FLT1: variants seen among roughly 807,000 people sequenced by gnomAD.
FLT1 encodes the protein vascular endothelial growth factor receptor 1.
In FLT1, 49 loss-of-function variants were observed where a neutral mutation model predicts 156.3. The observed-to-expected ratio is 0.31, with a 90% CI of 0.25 to 0.40. The LOEUF (loss-of-function observed/expected upper bound fraction) is 0.40, where lower values mean the gene tolerates loss of function less well. Among genes scored for constraint, FLT1 ranks in the 10% least tolerant of loss-of-function variants. FLT1 has a pLI of 1.00. For missense variants in FLT1, 1,322 were observed against 1,637.2 expected, an observed-to-expected ratio of 0.81 and a Z score of 3.32; for synonymous variants, 594 against 583.8, an observed-to-expected ratio of 1.02 and a Z score of -0.25.
chr13:28,383,082 C>A (rs988391450), intron 14 of FLT1, among the ~76,000 whole-genome samples: 2 of 152,162 alleles, frequency 1.3e-5, no homozygotes, highest in African/African-American at 2.4e-5. Flanking sequence ...CAATTAAAAT[C>A]ATAAATAATT....
intron 1 of FLT1, among the ~76,000 whole-genome samples, chr13:28,493,464 C>CT (rs1881573621): frequency 1.3e-5 from 2 of 152,174 alleles, no homozygotes; most frequent in African/African-American, 4.8e-5. Context: ...TCTAGTTAGT[C>CT]TTCCCACTGA....
chr13:28,389,081 C>T, intron 13 of FLT1: 10 of 1,063,554 alleles, frequency 9.4e-6, no homozygotes, highest in Non-Finnish European at 1.1e-5. Flanking sequence ...CTCTGAATTA[C>T]ACCAACATCT....
At chr13:28,378,984 C>G (rs1267910737) in intron 14 of FLT1, among the ~76,000 whole-genome samples, 3 of 152,032 alleles carry the variant, frequency 2.0e-5, no homozygotes, top group Non-Finnish European at 4.4e-5. Flanking sequence ...TGTAAATAAA[C>G]CTAGACATCA....
chr13:28,355,887 G>C (rs1375331088), intron 15 of FLT1, among the ~76,000 whole-genome samples: 4 of 152,188 alleles, frequency 2.6e-5, no homozygotes, highest in African/African-American at 7.2e-5. Flanking sequence ...TGTCGTAAAT[G>C]CACAGTTTTA....
chr13:28,445,293 TG>T (rs1315902190), intron 3 of FLT1, among the ~76,000 whole-genome samples: 1 of 152,020 alleles, frequency 6.6e-6, no homozygotes, highest in Non-Finnish European at 1.5e-5. Context: ...CTGGCCAACA[TG>T]GTGAAAACCC....
At chr13:28,366,963 A>G (rs954585616) in intron 14 of FLT1, among the ~76,000 whole-genome samples, 2 of 152,206 alleles carry the variant, frequency 1.3e-5, no homozygotes, top group African/African-American at 4.8e-5. Flanking sequence ...GTGCAGGCCG[A>G]TAGACAGCTG....
At chr13:28,369,344 G>C (rs1374339043) in intron 14 of FLT1, among the ~76,000 whole-genome samples, 3 of 152,122 alleles carry the variant, frequency 2.0e-5, no homozygotes, top group Admixed American at 1.3e-4. Flanking sequence ...GGCCAACATG[G>C]TGAAACTCTG....
rs200957320 is a variant in FLT1 at position 28,427,272 on chromosome 13, C to T, written c.1323G>A (p.Pro441=). ...GTCTGCTGCCCAGTGGGTAGAGAGC[C>T]GGGTCTGGAAACGATGACACGGCCT... ...YEKAVSSFPD[P]ALYPLGSRQI... is the part of the protein sequence containing the mutation. The change falls in exon 10 of 30, where the codon CCG becomes CCA. Residue 441 remains proline (P), a synonymous_variant. Transcript: ENST00000282397. 38 of 1,613,796 alleles carry T rather than the reference C, an allele frequency of 2.4e-5. No individual in the cohort carries two copies. The highest frequency in any genetic ancestry group is 8.0e-5 in the African/African-American group (6 of 74,892).
intron 4 of FLT1, among the ~76,000 whole-genome samples, chr13:28,434,778 G>A (rs1425373881): frequency 6.6e-6 from 1 of 152,216 alleles, no homozygotes. Context: ...AGCCTCTCGG[G>A]AGGCTGAGGC....
chr13:28,345,743 A>G (rs1872540715), intron 15 of FLT1, 192 bp from the exon 16 acceptor site: 1 of 587,260 alleles, frequency 1.7e-6, no homozygotes, highest in East Asian at 2.9e-5. Flanking sequence ...ACTCACATAG[A>G]AAAGGCAGTA....
Position 28,358,817 on chromosome 13 carries a change from A to G in FLT1, c.2117-1132T>C, listed in dbSNP as rs1873003932. 2.0e-5 allele frequency among the ~76,000 whole-genome samples: 3 copies of G among 152,230 alleles called. No homozygotes were observed. The South Asian group carries it at 6.2e-4, about 32-fold the overall frequency. ...AGAATGAGTGAATACAGCACAGTAT[A>G]CCTAATTAAGTGGAAGGTCTGGCAC... On this transcript the variant is annotated intron_variant, in intron 14 of 29. Coordinates refer to ENST00000282397, the MANE Select transcript of FLT1 (RefSeq NM_002019.4).
In FLT1 at chr13:28,311,688, A is replaced by T; in HGVS notation, c.3537T>A (p.Asn1179Lys). Residue 1179 changes from asparagine (N) to lysine (K), a missense_variant, in exon 27 of 30, where the codon AAT (asparagine) becomes AAA (lysine). This residue lies in a region of FLT1 where 329 missense variants were observed against 366.2 expected (regional missense o/e 0.90). Transcript: ENST00000282397. ...YIPINAILTGNSGFTYSTPAF... is the reference protein window; with the variant it reads ...YIPINAILTGKSGFTYSTPAF... ...CAGGAGTTGAGTATGTAAACCCACT[A>T]TTTCCTGTCAGTATGGCATTGATTG... 6.2e-7 allele frequency: 1 copy of T among 1,613,880 alleles called. No homozygotes were observed. Among genetic ancestry groups the T allele is most frequent in the East Asian group, 2.2e-5 (1 of 44,842 alleles).
chr13:28,474,475 A>ACAG (rs1880426272), intron 1 of FLT1, among the ~76,000 whole-genome samples: 5 of 113,436 alleles, frequency 4.4e-5, no homozygotes, highest in Admixed American at 2.0e-4. Flanking sequence ...AACAAAACAA[A>ACAG]ACAACCACAG....
intron 15 of FLT1, among the ~76,000 whole-genome samples, chr13:28,348,431 T>C (rs1418066828): frequency 6.6e-6 from 1 of 152,172 alleles, no homozygotes; most frequent in East Asian, 1.9e-4. Flanking sequence ...CCACAGTTCT[T>C]ATAGTTTCTT....
Position 28,454,207 on chromosome 13 carries a change from G to A in FLT1, c.388+12696C>T, listed in dbSNP as rs1195528644. On this transcript the variant is annotated intron_variant, in intron 3 of 29. Coordinates refer to ENST00000282397, the MANE Select transcript of FLT1 (RefSeq NM_002019.4). ...TTGTACTTCCTACTGTGTCCAGCACGGTGTTTTTCACACACAGGGATTACT... is the reference window on the plus strand; with the variant it reads ...TTGTACTTCCTACTGTGTCCAGCACAGTGTTTTTCACACACAGGGATTACT... Among the ~76,000 whole-genome samples, 5 of 152,080 alleles carry A rather than the reference G, an allele frequency of 3.3e-5. 1 individual carries two copies. The highest frequency in any genetic ancestry group is 1.9e-4 in the East Asian group (1 of 5,194).
intron 3 of FLT1, among the ~76,000 whole-genome samples, chr13:28,460,797 TAC>T (rs369507550): frequency 0.1 from 14,759 of 145,342 alleles, 813 homozygotes; most frequent in Admixed American, 0.17. Flanking sequence ...TCAGACCCAT[TAC>T]ACACACACAC....
intron 1 of FLT1, 117 bp downstream of exon 1, chr13:28,494,663 C>T (rs1881658451): frequency 1.3e-6 from 1 of 768,824 alleles, no homozygotes; most frequent in Admixed American, 2.4e-5. Flanking sequence ...CCGTAGCCAG[C>T]TTCTCCGGGC....
chr13:28,365,981 C>T (rs566449471), intron 14 of FLT1, among the ~76,000 whole-genome samples: 2 of 152,182 alleles, frequency 1.3e-5, no homozygotes, highest in Non-Finnish European at 2.9e-5. Flanking sequence ...GGGACTATGT[C>T]TCTGGAGAAT....
chr13:28,300,521 CCACACACA>C lies in FLT1; in HGVS notation c.*2638_*2645del, dbSNP rs57419092. On this transcript the variant is annotated 3_prime_UTR_variant, in exon 30 of 30. Transcript: ENST00000282397. ...AGTTATGCACAAAACACACATACAC[CCACACACA>C]CACACACACACACACACACACACAC... 0.071 allele frequency: 13,992 copies of C among 198,050 alleles called. 45 individuals carry two copies. Among genetic ancestry groups the C allele is most frequent in the Middle Eastern group, 0.12 (71 of 568 alleles). 12.3% of individuals were successfully genotyped at this position (198,050 alleles called of 1,614,324 possible).
Sources: gnomAD v4.1 joint callset for allele counts (sites outside exome capture counted in the v4.1 genomes callset) on GRCh38, gnomAD v4.1.1 for gene constraint, gnomAD v4.1.1 regional missense constraint, MANE v1.5 for transcripts, NCBI Gene and HGNC (gene_info 2026-07-23, HGNC 2026-07-21) for gene names.